The following ANKFN1 variants were observed in gnomAD, a reference collection of about 807,000 sequenced individuals.
ANKFN1 encodes the protein ankyrin repeat and fibronectin type III domain containing 1.
In ANKFN1, 74 loss-of-function variants were observed where a neutral mutation model predicts 108.7. The ratio of observed to expected loss-of-function variants is 0.68; its 90% confidence interval spans 0.56 to 0.83. The LOEUF is 0.83. Among genes scored for constraint, ANKFN1 ranks in the 40% least tolerant of loss-of-function variants. The probability of loss-of-function intolerance (pLI) is 0.00; values close to 1 mark genes in which losing one functional copy is unlikely to be tolerated. For missense variants in ANKFN1, 1,505 were observed against 1,382.3 expected, an observed-to-expected ratio of 1.09 and a Z score of -1.41; for synonymous variants, 547 against 516.2, an observed-to-expected ratio of 1.06 and a Z score of -0.81.
At chr17:56,165,597 A>C (rs9903379) in intron 1 of ANKFN1, among the ~76,000 whole-genome samples, 3,471 of 152,262 alleles carry the variant, frequency 0.023, 141 homozygotes, top group African/African-American at 0.08. Context: ...TGAATCGGCC[A>C]CGTGGGATGC....
intron 3 of ANKFN1, among the ~76,000 whole-genome samples, chr17:56,301,697 T>A (rs1338380445): frequency 6.6e-6 from 1 of 152,166 alleles, no homozygotes; most frequent in East Asian, 1.9e-4. Context: ...TAGCTTATAA[T>A]AGAGATAGAA....
At chr17:56,433,112 AAAT>A (rs2048814217) in intron 8 of ANKFN1, among the ~76,000 whole-genome samples, 1 of 152,212 alleles carries the variant, frequency 6.6e-6, no homozygotes, top group African/African-American at 2.4e-5. Flanking sequence ...CACAATTCAC[AAAT>A]AATAATAAAA....
chr17:56,441,612 A>G (rs2049108887), intron 9 of ANKFN1, among the ~76,000 whole-genome samples: 1 of 152,230 alleles, frequency 6.6e-6, no homozygotes, highest in East Asian at 1.9e-4. Flanking sequence ...GGGAATTTTC[A>G]TTGCTTAAAA....
intron 4 of ANKFN1, among the ~76,000 whole-genome samples, chr17:56,342,695 G>A (rs1409070126): frequency 1.3e-5 from 2 of 151,992 alleles, no homozygotes; most frequent in East Asian, 3.9e-4. Context: ...CATTTACTAA[G>A]GAGTGTTTTA....
intron 4 of ANKFN1, among the ~76,000 whole-genome samples, chr17:56,049,415 A>G (rs1160413727): frequency 6.6e-6 from 1 of 151,524 alleles, no homozygotes; most frequent in Non-Finnish European, 1.5e-5. Context: ...TTATACTTTA[A>G]GTTTTAGGGT....
At chr17:56,371,067 G>A (rs1288450871) in intron 6 of ANKFN1, among the ~76,000 whole-genome samples, 1 of 151,864 alleles carries the variant, frequency 6.6e-6, no homozygotes, top group Non-Finnish European at 1.5e-5. Context: ...TCTGCATAGT[G>A]TAGCTGCTCA....
chr17:56,152,254 A>ATGTGTGTGTGTG (rs767291179), upstream of ANKFN1, among the ~76,000 whole-genome samples: 1 of 78,416 alleles, frequency 1.3e-5, no homozygotes, highest in African/African-American at 4.1e-5. Flanking sequence ...AAATATATAT[A>ATGTGTGTGTGTG]TATATATATG....
intron 3 of ANKFN1, chr17:56,258,138 A>G (rs2043405646): frequency 6.6e-6 from 1 of 152,190 alleles, no homozygotes; most frequent in Non-Finnish European, 1.5e-5. Context: ...TCACTTGCAC[A>G]TGATGATTTT....
intron 9 of ANKFN1, among the ~76,000 whole-genome samples, 194 bp from the exon 10 acceptor site, chr17:56,442,643 TATAAAC>T (rs1371403747): frequency 6.6e-6 from 1 of 152,124 alleles, no homozygotes; most frequent in Non-Finnish European, 1.5e-5. Context: ...TGCTGTGACA[TATAAAC>T]ATAATAGTCA....
In ANKFN1 at chr17:56,189,179, T is replaced by TTTTTTTTTTTTTTTTTTTG. The variant is rs1244013476; in HGVS notation, c.-70-23410_-70-23409insTTTTTTTTTGTTTTTTTTT. Among the ~76,000 whole-genome samples the TTTTTTTTTTTTTTTTTTTG allele has an allele frequency of 1.1e-3, 119 of 111,348 alleles. 7 individuals are homozygous for TTTTTTTTTTTTTTTTTTTG. Among genetic ancestry groups the TTTTTTTTTTTTTTTTTTTG allele is most frequent in the African/African-American group, 3.1e-3 (64 of 20,384 alleles). The allele number at this position is 111,348 out of a possible 152,430, so 73.0% of individuals were successfully genotyped here. Reference sequence around the variant, plus strand: ...GTAAATGTTGCCCTGACTTTTTTTTTTTTTTTTTTGAGACGGAGTCTCGCT... The same window carrying TTTTTTTTTTTTTTTTTTTG: ...GTAAATGTTGCCCTGACTTTTTTTTTTTTTTTTTTTTTTTTTTTGTTTTTTTTTGAGACGGAGTCTCGCT... On this transcript the variant is annotated intron_variant, in intron 1 of 20. Coordinates refer to ENST00000682825, the MANE Select transcript of ANKFN1 (RefSeq NM_001370326.1).
chr17:56,219,670 G>A (rs537491159), intron 2 of ANKFN1, among the ~76,000 whole-genome samples: 1 of 152,198 alleles, frequency 6.6e-6, no homozygotes, highest in Non-Finnish European at 1.5e-5. Context: ...GAAGATAAGG[G>A]TTTATGCTTG....
At chr17:56,350,337 C>T (rs1372901577) in intron 4 of ANKFN1, among the ~76,000 whole-genome samples, 2 of 152,064 alleles carry the variant, frequency 1.3e-5, no homozygotes, top group Non-Finnish European at 2.9e-5. Context: ...CTTATATACC[C>T]AACAGAAGCC....
chr17:56,091,472 T>G (rs1357803241), intron 4 of ANKFN1, among the ~76,000 whole-genome samples: 1 of 148,856 alleles, frequency 6.7e-6, no homozygotes, highest in Non-Finnish European at 1.5e-5. Context: ...AGAGTTCATT[T>G]CTCAACATTC....
At chr17:56,216,911 A>G (rs1915466440) in intron 2 of ANKFN1, among the ~76,000 whole-genome samples, 2 of 152,216 alleles carry the variant, frequency 1.3e-5, no homozygotes, top group African/African-American at 4.8e-5. Context: ...TGCTCAAACA[A>G]GGAAAGCTTC....
At chr17:56,365,998 G>T (rs554548232) in intron 6 of ANKFN1, among the ~76,000 whole-genome samples, 20 of 152,260 alleles carry the variant, frequency 1.3e-4, no homozygotes, top group African/African-American at 4.6e-4. Context: ...AGAAGGCATT[G>T]TTACCATAAA....
intron 1 of ANKFN1, among the ~76,000 whole-genome samples, chr17:56,200,324 T>C (rs1178259613): frequency 1.3e-5 from 2 of 152,196 alleles, no homozygotes; most frequent in Non-Finnish European, 2.9e-5. Flanking sequence ...AGCACTGAAA[T>C]GGAATCAAGA....
intron 2 of ANKFN1, among the ~76,000 whole-genome samples, chr17:56,220,305 G>A (rs1053311494): frequency 6.6e-6 from 1 of 152,140 alleles, no homozygotes; most frequent in African/African-American, 2.4e-5. Flanking sequence ...TTAATGCAAT[G>A]GGAACAAAAA....
intron 1 of ANKFN1, 197 bp downstream of exon 1, chr17:56,153,727 T>C (rs1908823318): frequency 2.9e-6 from 2 of 693,672 alleles, no homozygotes; most frequent in East Asian, 5.5e-5. Context: ...TTTGGGTCTG[T>C]AATGTGTGTC....
chr17:56,412,913 T>A (rs1272000831), intron 8 of ANKFN1, among the ~76,000 whole-genome samples: 1 of 152,220 alleles, frequency 6.6e-6, no homozygotes, highest in Non-Finnish European at 1.5e-5. Context: ...TACTCCTTTT[T>A]TCTTTGTAAG....
Sources: gnomAD v4.1 joint callset for allele counts (sites outside exome capture counted in the v4.1 genomes callset) on GRCh38, gnomAD v4.1.1 for gene constraint, MANE v1.5 for transcripts, NCBI Gene and HGNC (gene_info 2026-07-23, HGNC 2026-07-21) for gene names.